Variants in EYS observed in about 807,000 individuals in gnomAD.
The protein encoded by EYS is protein eyes shut homolog.
A neutral mutation model predicts 282.1 loss-of-function variants in EYS; 250 were observed. That is an observed-to-expected ratio of 0.89 (90% confidence interval 0.80 to 0.98). The LOEUF (loss-of-function observed/expected upper bound fraction) is 0.98, where lower values mean the gene tolerates loss of function less well. Ranked by LOEUF, EYS falls within the 50% of genes least tolerant of loss-of-function variation. The pLI is 0.00. For missense variants in EYS, 4,016 were observed against 3,709.0 expected (o/e 1.08, Z -2.15); for synonymous variants, 1,355 against 1,282.9 (o/e 1.06, Z -1.20).
At chr6:64,740,876 G>C (rs1323047223) in intron 22 of EYS, among the ~76,000 whole-genome samples, 2 of 151,990 alleles carry the variant, frequency 1.3e-5, no homozygotes, top group African/African-American at 4.8e-5. Context: ...ACCACGCCTG[G>C]CTAATTTTTT....
At chr6:64,670,276 T>A (rs1583021730) in intron 22 of EYS, among the ~76,000 whole-genome samples, 1 of 152,198 alleles carries the variant, frequency 6.6e-6, no homozygotes, top group African/African-American at 2.4e-5. Context: ...CCACGCTTTG[T>A]CTTAGAGGAG....
Position 65,494,864 on chromosome 6 carries a change from A to C in EYS, c.547T>G (p.Cys183Gly). ...CTAAGACATTTACCATGACCAGAGCAAAATTCTGAACTCAGAGATTCCTGG... is the reference window on the plus strand; with the variant it reads ...CTAAGACATTTACCATGACCAGAGCCAAATTCTGAACTCAGAGATTCCTGG... ...FCQESLSSEF[C>G]SGHGKCLSEA... Residue 183 changes from cysteine to glycine, a missense_variant, in exon 4 of 43, where the codon TGC becomes GGC. Transcript: ENST00000503581. 1 of 1,614,078 alleles carries C rather than the reference A, an allele frequency of 6.2e-7. No individual in the cohort carries two copies. Among genetic ancestry groups the C allele is most frequent in the South Asian group, 1.1e-5 (1 of 91,086 alleles).
At chr6:65,641,182 A>G (rs1767263629) in intron 1 of EYS, among the ~76,000 whole-genome samples, 1 of 152,254 alleles carries the variant, frequency 6.6e-6, no homozygotes, top group Admixed American at 6.5e-5. Context: ...AGGAAGCAAC[A>G]GCCATAACCT....
chr6:65,448,656 C>A (rs1030958431), intron 5 of EYS, among the ~76,000 whole-genome samples: 3 of 152,022 alleles, frequency 2.0e-5, no homozygotes, highest in African/African-American at 7.2e-5. Context: ...CTTGTATACA[C>A]TGCTTTACTG....
intron 12 of EYS, among the ~76,000 whole-genome samples, chr6:65,274,360 T>C (rs2150268804): frequency 6.6e-6 from 1 of 152,348 alleles, no homozygotes; most frequent in African/African-American, 2.4e-5. Context: ...AGAAGACAGA[T>C]GGATCTTGGA....
At chr6:65,352,331 TG>T (rs1305935778) in intron 9 of EYS, among the ~76,000 whole-genome samples, 1 of 151,922 alleles carries the variant, frequency 6.6e-6, no homozygotes, top group Non-Finnish European at 1.5e-5. Context: ...GCTGGTTGTT[TG>T]TAAACTGAAG....
intron 30 of EYS, among the ~76,000 whole-genome samples, chr6:64,254,960 T>C (rs572476447): frequency 3.3e-5 from 5 of 152,222 alleles, no homozygotes; most frequent in African/African-American, 1.2e-4. Flanking sequence ...ATGTTAAAGA[T>C]GACTTGACCT....
intron 31 of EYS, among the ~76,000 whole-genome samples, chr6:64,169,405 G>A (rs989918753): frequency 4.1e-5 from 6 of 147,100 alleles, no homozygotes; most frequent in Non-Finnish European, 8.9e-5. Flanking sequence ...GGAAATCAAT[G>A]ACATACTCAA....
At chr6:64,953,601 CTT>C (rs1341310924) in intron 14 of EYS, among the ~76,000 whole-genome samples, 4 of 151,736 alleles carry the variant, frequency 2.6e-5, no homozygotes, top group African/African-American at 9.7e-5. Context: ...ACAGAACTAT[CTT>C]AATATGATTT....
chr6:64,574,055 AG>A (rs1393361190), intron 26 of EYS, among the ~76,000 whole-genome samples: 4 of 152,264 alleles, frequency 2.6e-5, no homozygotes, highest in Non-Finnish European at 5.9e-5. Flanking sequence ...GACTGGACAA[AG>A]AAAATGTGGC....
At chr6:64,292,150 C>T (rs1768737806) in intron 30 of EYS, among the ~76,000 whole-genome samples, 1 of 152,220 alleles carries the variant, frequency 6.6e-6, no homozygotes, top group Admixed American at 6.5e-5. Context: ...CACAGAAATA[C>T]AACAGCTTAA....
intron 1 of EYS, among the ~76,000 whole-genome samples, chr6:65,647,596 A>G (rs9342492): frequency 0.4 from 60,707 of 152,062 alleles, 14,614 homozygotes; most frequent in East Asian, 0.53. Context: ...CATTGCAGAC[A>G]TTGGCTTTGC....
chr6:64,121,614 A>G (rs1773592102), intron 31 of EYS, among the ~76,000 whole-genome samples: 1 of 152,170 alleles, frequency 6.6e-6, no homozygotes, highest in Non-Finnish European at 1.5e-5. Context: ...GAAGACTTAA[A>G]TTTATCTCTC....
rs56705165 is a variant in EYS at position 64,755,497 on chromosome 6, TACACACACACACACAC to T, written c.3443+57865_3443+57880del. On this transcript the variant is annotated intron_variant, in intron 22 of 42. Transcript: ENST00000503581. Reference sequence around the variant, plus strand: ...AAATAAGAAATCTTGAGAACATACATACACACACACACACACACACACACACACACACACACACACA... The same window carrying T: ...AAATAAGAAATCTTGAGAACATACATACACACACACACACACACACACACA... 8.4e-4 allele frequency among the ~76,000 whole-genome samples: 117 copies of T among 139,018 alleles called. 3 individuals are homozygous for T. The South Asian group carries it at 0.021, about 25-fold the overall frequency. The allele number at this position is 139,018 out of a possible 152,430, so 91.2% of individuals were successfully genotyped here. A position where few individuals can be genotyped will look rare whatever the true frequency, so the allele number is the denominator to read the frequency against.
intron 22 of EYS, among the ~76,000 whole-genome samples, chr6:64,696,094 A>G (rs1770570487): frequency 6.6e-6 from 1 of 152,330 alleles, no homozygotes; most frequent in African/African-American, 2.4e-5. Flanking sequence ...AAATCTGAAA[A>G]CCCATACAAA....
intron 28 of EYS, among the ~76,000 whole-genome samples, chr6:64,391,510 A>C (rs1466625149): frequency 6.6e-6 from 1 of 151,980 alleles, no homozygotes; most frequent in Non-Finnish European, 1.5e-5. Flanking sequence ...CCAGAATTTC[A>C]TATCCAGCCA....
intron 5 of EYS, among the ~76,000 whole-genome samples, chr6:65,451,200 A>T (rs1035648260): frequency 6.6e-6 from 1 of 152,046 alleles, no homozygotes; most frequent in African/African-American, 2.4e-5. Flanking sequence ...AGTGTAGCCA[A>T]TTCTAAGTTG....
chr6:64,860,732 C>A (rs1204093590), intron 19 of EYS, among the ~76,000 whole-genome samples: 1 of 152,190 alleles, frequency 6.6e-6, no homozygotes, highest in African/African-American at 2.4e-5. Context: ...TTCAGCTCTG[C>A]CACTCAGTGG....
chr6:64,834,772 G>A (rs960356931), intron 19 of EYS, among the ~76,000 whole-genome samples: 1 of 151,760 alleles, frequency 6.6e-6, no homozygotes, highest in African/African-American at 2.4e-5. Flanking sequence ...GAAATAAAAT[G>A]TTAAGTGATA....
Sources: gnomAD v4.1 joint callset for allele counts (sites outside exome capture counted in the v4.1 genomes callset) on GRCh38, gnomAD v4.1.1 for gene constraint, MANE v1.5 for transcripts, NCBI Gene and HGNC (gene_info 2026-07-23, HGNC 2026-07-21) for gene names.